MFAP1: variants seen among roughly 807,000 people sequenced by gnomAD.
The protein encoded by MFAP1 is microfibrillar-associated protein 1.
Under a neutral mutation model 62.2 loss-of-function variants are expected in MFAP1, and 18 were observed. The ratio of observed to expected loss-of-function variants is 0.29; its 90% CI spans 0.20 to 0.43. The LOEUF (loss-of-function observed/expected upper bound fraction) is 0.43, where lower values mean the gene tolerates loss of function less well. Among genes scored for constraint, MFAP1 ranks in the 20% least tolerant of loss-of-function variants. The pLI, the probability that MFAP1 is intolerant of heterozygous loss-of-function variation, is 1.00. For synonymous variants in MFAP1, 175 were observed against 180.4 expected (o/e 0.97, Z 0.24); for missense variants, 355 against 559.7 (o/e 0.63, Z 3.69).
intron 4 of MFAP1, 144 bp downstream of exon 4, chr15:43,814,357 T>A: frequency 1.2e-6 from 1 of 812,012 alleles, no homozygotes; most frequent in Non-Finnish European, 1.9e-6. Flanking sequence ...CCTCAGCAGC[T>A]AGTCTGCCAA....
chr15:43,819,262 G>A (rs1446794763), intron 1 of MFAP1, among the ~76,000 whole-genome samples: 2 of 152,046 alleles, frequency 1.3e-5, no homozygotes, highest in Non-Finnish European at 2.9e-5. Context: ...AACAATGGGA[G>A]GGAAGCAATA....
At chr15:43,821,798 ACACT>A (rs1468482524) in intron 1 of MFAP1, among the ~76,000 whole-genome samples, 1 of 152,176 alleles carries the variant, frequency 6.6e-6, no homozygotes, top group African/African-American at 2.4e-5. Flanking sequence ...ATATATACAA[ACACT>A]CAGAAGATAG....
At chr15:43,811,947 T>G (rs1235026245) in intron 6 of MFAP1, among the ~76,000 whole-genome samples, 3 of 152,086 alleles carry the variant, frequency 2.0e-5, no homozygotes, top group Non-Finnish European at 4.4e-5. Context: ...CCCAGCACTT[T>G]GGGAGGCCGA....
chr15:43,805,302 A>G (rs1567175175), intron 8 of MFAP1, 26 bp from the exon 9 acceptor site: 7 of 1,599,964 alleles, frequency 4.4e-6, no homozygotes, highest in Non-Finnish European at 6.0e-6. Context: ...ATGATGAGTT[A>G]TACCACCAAA....
At chr15:43,808,610 G>A (rs534202360) in intron 7 of MFAP1, among the ~76,000 whole-genome samples, 2 of 152,300 alleles carry the variant, frequency 1.3e-5, no homozygotes, top group Admixed American at 6.5e-5. Context: ...CTTTATGACC[G>A]AAGCAGTACA....
At chr15:43,818,271 A>T (rs1316094288) in intron 1 of MFAP1, among the ~76,000 whole-genome samples, 1 of 151,966 alleles carries the variant, frequency 6.6e-6, no homozygotes, top group African/African-American at 2.4e-5. Context: ...CGCCCACCTC[A>T]GCCTCCCAAA....
Position 43,804,886 on chromosome 15 carries a change from A to G in MFAP1, c.*208T>C, listed in dbSNP as rs1250957835. On this transcript the variant is annotated 3_prime_UTR_variant, in exon 9 of 9. Transcript: ENST00000267812. ...TTTTAAGTGGGAAGCCTCTAATCCT[A>G]CCTGGACAGTGCTTTCCTGTGGGTT... 6.4e-6 allele frequency: 3 copies of G among 467,238 alleles called. No homozygotes were observed. The highest frequency in any genetic ancestry group is 5.2e-4 in the Middle Eastern group (1 of 1,910). The allele number at this position is 467,238 out of a possible 1,614,324, so 28.9% of individuals were successfully genotyped here.
intron 7 of MFAP1, among the ~76,000 whole-genome samples, 179 bp from the exon 8 acceptor site, chr15:43,805,644 G>A (rs1325274986): frequency 1.3e-5 from 2 of 150,740 alleles, no homozygotes; most frequent in African/African-American, 2.4e-5. Flanking sequence ...ACGGACTCTC[G>A]CTCTGTTGCC....
At chr15:43,807,381 C>T (rs1187574708) in intron 7 of MFAP1, among the ~76,000 whole-genome samples, 7 of 150,210 alleles carry the variant, frequency 4.7e-5, no homozygotes, top group Admixed American at 4.6e-4. Flanking sequence ...TACAGTCTCA[C>T]TCTGTCGCCC....
intron 7 of MFAP1, among the ~76,000 whole-genome samples, chr15:43,808,308 C>G (rs1431325956): frequency 6.6e-6 from 1 of 152,188 alleles, no homozygotes; most frequent in Admixed American, 6.5e-5. Context: ...CGGGCTGAAG[C>G]AATCCTTCCA....
rs924537797 is a variant in MFAP1, at chr15:43,817,509, A to G, written c.80-61T>C. ...CTTTCTCAATGTGCTTCAACCCATC[A>G]CGGCCTTTGCAAATAGAGCCCTTTA... On this transcript the variant is annotated intron_variant, in intron 1 of 8. Coordinates refer to ENST00000267812, the MANE Select transcript of MFAP1 (RefSeq NM_005926.3). 6.0e-5 allele frequency: 94 copies of G among 1,559,954 alleles called. No homozygotes were observed. In the Admixed American group the frequency reaches 1.6e-3, roughly 27 times the overall value.
chr15:43,824,544 T>C lies in MFAP1; in HGVS notation c.26A>G (p.Lys9Arg). 1 of 1,614,178 alleles carries C rather than the reference T, an allele frequency of 6.2e-7. No homozygotes were observed. Among genetic ancestry groups the C allele is most frequent in the Non-Finnish European group, 8.5e-7 (1 of 1,180,036 alleles). The change falls in exon 1 of 9, where the codon AAG (lysine) becomes AGG (arginine). Residue 9 changes from lysine to arginine, a missense_variant. Physicochemically the swap from Lys to Arg is conservative, Grantham distance 26 (BLOSUM62 2). Transcript: ENST00000267812. ...AGCCGTAGACTGAATGGGCGGTTGC[T>C]TCATGAGAGCGCTTGGGACCGACAT... Reference protein sequence around the residue: MSVPSALMKQPPIQSTAGA... With the variant: MSVPSALMRQPPIQSTAGA...
At chr15:43,812,188 CAAA>C (rs200328815) in intron 6 of MFAP1, among the ~76,000 whole-genome samples, 2 of 90,212 alleles carry the variant, frequency 2.2e-5, no homozygotes, top group Admixed American at 1.2e-4. Flanking sequence ...AACTTCATGT[CAAA>C]AAAAAAAAAA....
In MFAP1 at chr15:43,818,523, A is replaced by AAC. The variant is rs944119972; in HGVS notation, c.80-1076_80-1075insGT. ...AACTACCAAAAAAAAAAAAAGAAACAAAAAAAAAAAACCCCTAGACCAACA... is the reference window on the plus strand; with the variant it reads ...AACTACCAAAAAAAAAAAAAGAAACAACAAAAAAAAAAACCCCTAGACCAACA... On this transcript the variant is annotated intron_variant, in intron 1 of 8. Coordinates refer to ENST00000267812, the MANE Select transcript of MFAP1 (RefSeq NM_005926.3). Among the ~76,000 whole-genome samples, 10 of 105,092 alleles carry AAC rather than the reference A, an allele frequency of 9.5e-5. No individual in the cohort carries two copies. The East Asian group carries it at 1.5e-3, about 15-fold the overall frequency. 68.9% of individuals were successfully genotyped at this position (105,092 alleles called of 152,430 possible).
At chr15:43,822,763 A>G (rs545455750) in intron 1 of MFAP1, among the ~76,000 whole-genome samples, 2 of 152,314 alleles carry the variant, frequency 1.3e-5, no homozygotes, top group East Asian at 3.9e-4. Context: ...ACTTTCGAGC[A>G]TAAGTGATCC....
At chr15:43,823,182 C>G (rs947490921) in intron 1 of MFAP1, among the ~76,000 whole-genome samples, 19 of 151,272 alleles carry the variant, frequency 1.3e-4, no homozygotes, top group African/African-American at 3.9e-4. Flanking sequence ...GGGGTGGTCT[C>G]GCTATGTTGC....
chr15:43,808,936 C>T (rs569768998), intron 7 of MFAP1, among the ~76,000 whole-genome samples: 36 of 152,290 alleles, frequency 2.4e-4, no homozygotes, highest in Non-Finnish European at 4.0e-4. Flanking sequence ...ACAAAGATGA[C>T]GGCATTCCAT....
At chr15:43,815,764 G>A (rs2087430287) in intron 2 of MFAP1, among the ~76,000 whole-genome samples, 1 of 151,974 alleles carries the variant, frequency 6.6e-6, no homozygotes, top group African/African-American at 2.4e-5. Context: ...CTCCCGAGTA[G>A]CTGGGATTAC....
Position 43,809,911 on chromosome 15 carries a change from A to C in MFAP1, c.891T>G (p.Leu297=), listed in dbSNP as rs1201029939. The C allele has an allele frequency of 1.2e-6, 2 of 1,613,970 alleles. No individual in the cohort carries two copies. Among genetic ancestry groups the C allele is most frequent in the African/African-American group, 2.7e-5 (2 of 74,888 alleles). The part of the protein sequence containing the change: ...IKRDREDREA[L]EKEKAEIERM... The stretch of plus-strand genomic sequence containing the variant: ...GTTCAATTTCTGCTTTCTCCTTCTC[A>C]AGCCTGTCCAGGGAGCAAAACAATT... Residue 297 remains leucine (L), a synonymous_variant, in exon 7 of 9, where the codon CTT becomes CTG. Coordinates refer to ENST00000267812, the MANE Select transcript of MFAP1 (RefSeq NM_005926.3).
Sources: gnomAD v4.1 joint callset for allele counts (sites outside exome capture counted in the v4.1 genomes callset) on GRCh38, gnomAD v4.1.1 for gene constraint, MANE v1.5 for transcripts, NCBI Gene and HGNC (gene_info 2026-07-23, HGNC 2026-07-21) for gene names.